The following GLS variants were observed in gnomAD, a reference collection of about 807,000 sequenced individuals.
GLS encodes glutaminase, also known as glutaminase kidney isoform, mitochondrial.
In GLS, 36 loss-of-function variants were observed where a neutral mutation model predicts 86.7. The observed-to-expected ratio is 0.42, with a 90% CI of 0.32 to 0.55. The LOEUF is 0.55. Among genes scored for constraint, GLS ranks in the 20% least tolerant of loss-of-function variants. The pLI, the probability that GLS is intolerant of heterozygous loss-of-function variation, is 0.17. For synonymous variants in GLS, 317 were observed against 305.9 expected, an observed-to-expected ratio of 1.04 and a Z score of -0.38; for missense variants, 528 against 833.4, an observed-to-expected ratio of 0.63 and a Z score of 4.51.
In GLS at chr2:190,960,381, T is replaced by TTG. The variant is rs1393145448; in HGVS notation, c.1854-2449_1854-2448insTG. On this transcript the variant is annotated intron_variant, in intron 17 of 17. Coordinates refer to ENST00000320717, the MANE Select transcript of GLS (RefSeq NM_014905.5). ...TCAATTTTTTTTTTTTTTTTTTTTT[T>TTG]GAGACTGGGTCTTGCCTTGCCACTC... 8.2e-5 allele frequency among the ~76,000 whole-genome samples: 12 copies of TTG among 146,148 alleles called. No homozygotes were observed. The East Asian group carries it at 2.4e-3, about 29-fold the overall frequency.
Position 190,895,071 on chromosome 2 carries a change from GTTAT to G in GLS, c.387-77_387-74del, listed in dbSNP as rs1688683798. ...AGCTCAGCTGTAGTCTAGTTTAGTG[GTTAT>G]TTAACAATGGATTTAGTTAAAAATC... On this transcript the variant is annotated intron_variant, in intron 1 of 17. Transcript: ENST00000320717. The surrounding 1 kb of genome is among the most constrained non-coding windows in gnomAD (Gnocchi z 4.2). The G allele has an allele frequency of 3.0e-6, 2 of 675,564 alleles. No homozygotes were observed. The highest frequency in any genetic ancestry group is 2.2e-5 in the Admixed American group (1 of 46,476). 41.8% of individuals were successfully genotyped at this position (675,564 alleles called of 1,614,324 possible). A position where few individuals can be genotyped will look rare whatever the true frequency, so the allele number is the denominator to read the frequency against.
rs527545122 is a variant in GLS at position 190,887,428 on chromosome 2, T to A, written c.386+5958T>A. Among the ~76,000 whole-genome samples the A allele has an allele frequency of 3.9e-4, 59 of 152,250 alleles. 1 individual carries two copies. In the South Asian group the frequency reaches 0.012, roughly 30 times the overall value. ...TGTTAAATTCATTATAAAGAAATGT[T>A]TATAGTAAAAGCATTACTTTCGAAA... is the stretch of plus-strand genomic sequence containing the variant. On this transcript the variant is annotated intron_variant, in intron 1 of 17. Transcript: ENST00000320717.
chr2:190,953,427 G>T lies in GLS; in HGVS notation c.1651-138G>T. ...ACACACGTGGGTTCTTTTGGCTATG[G>T]AAGTGTCCTTGAGATCACTTTTTGC... On this transcript the variant is annotated intron_variant, in intron 14 of 17. Coordinates refer to ENST00000320717, the MANE Select transcript of GLS (RefSeq NM_014905.5). This position sits in a 1 kb window ranked among gnomAD's most constrained non-coding sequence, Gnocchi z 4.0. 1 of 630,308 alleles carries T rather than the reference G, an allele frequency of 1.6e-6. No homozygotes were observed. Among genetic ancestry groups the T allele is most frequent in the Admixed American group, 2.2e-5 (1 of 45,546 alleles). 39.0% of individuals were successfully genotyped at this position (630,308 alleles called of 1,614,324 possible).
At chr2:190,940,079 T>G (rs1690381523) in intron 14 of GLS, among the ~76,000 whole-genome samples, 1 of 151,916 alleles carries the variant, frequency 6.6e-6, no homozygotes, top group African/African-American at 2.4e-5. Context: ...TTAATTTTCT[T>G]TAAAAAGTTC....
At chr2:190,893,865 G>A (rs929046887) in intron 1 of GLS, among the ~76,000 whole-genome samples, 10 of 152,298 alleles carry the variant, frequency 6.6e-5, no homozygotes, top group East Asian at 1.9e-4. Context: ...GATTATAGGC[G>A]TGAGCTGCCA....
chr2:190,927,133 G>C, intron 11 of GLS, 173 bp from the exon 12 acceptor site: 1 of 548,684 alleles, frequency 1.8e-6, no homozygotes, highest in Non-Finnish European at 3.1e-6. Context: ...TCTTAAAAGT[G>C]GGTAGGACTT....
In GLS at chr2:190,938,745, T is replaced by C. The variant is rs1222103715; in HGVS notation, c.1650+7108T>C. On this transcript the variant is annotated intron_variant, in intron 14 of 17. Transcript: ENST00000320717. The surrounding 1 kb of genome is among the most constrained non-coding windows in gnomAD (Gnocchi z 4.1). ...TTAATGAGAGAAGCATAATTGGCAG[T>C]AGTTAATGTGACTATAAGTTATTTG... Among the ~76,000 whole-genome samples the C allele has an allele frequency of 1.3e-5, 2 of 151,740 alleles. No individual in the cohort carries two copies. Among genetic ancestry groups the C allele is most frequent in the African/African-American group, 4.8e-5 (2 of 41,432 alleles).
chr2:190,948,126 T>G (rs1690625813), intron 14 of GLS, among the ~76,000 whole-genome samples: 1 of 152,224 alleles, frequency 6.6e-6, no homozygotes, highest in African/African-American at 2.4e-5. Flanking sequence ...GGCTGCCTCC[T>G]AGTGCTTTTC....
At chr2:190,916,394 G>A (rs1378700869) in intron 7 of GLS, among the ~76,000 whole-genome samples, 1 of 151,906 alleles carries the variant, frequency 6.6e-6, no homozygotes, top group Non-Finnish European at 1.5e-5. Context: ...ATCATTTTTA[G>A]TTTTGATTTT....
intron 14 of GLS, among the ~76,000 whole-genome samples, chr2:190,950,295 G>A (rs1690685217): frequency 6.6e-6 from 1 of 152,164 alleles, no homozygotes; most frequent in African/African-American, 2.4e-5. Context: ...ATGGTAAAGA[G>A]TTTGATTTTC....
intron 14 of GLS, chr2:190,933,903 A>G: frequency 1.1e-6 from 1 of 915,694 alleles, no homozygotes; most frequent in African/African-American, 1.8e-5. Flanking sequence ...AATACGTTAG[A>G]TCTAAATCCT....
At chr2:190,918,334 A>T (rs1689611447) in intron 7 of GLS, among the ~76,000 whole-genome samples, 1 of 152,136 alleles carries the variant, frequency 6.6e-6, no homozygotes, top group Non-Finnish European at 1.5e-5. Context: ...TTCACCTTGT[A>T]CTTTTATGTT....
intron 14 of GLS, among the ~76,000 whole-genome samples, chr2:190,932,479 C>T (rs973679861): frequency 6.6e-6 from 1 of 151,764 alleles, no homozygotes; most frequent in African/African-American, 2.4e-5. Context: ...TAGTGCTAAA[C>T]TAAATTTTTG....
At chr2:190,892,618 G>C (rs367694407) in intron 1 of GLS, among the ~76,000 whole-genome samples, 14 of 152,256 alleles carry the variant, frequency 9.2e-5, no homozygotes, top group Admixed American at 2.6e-4. Context: ...GAGAGAAAAG[G>C]GGGGTTAAGG....
Position 190,921,013 on chromosome 2 carries a change from T to A in GLS, c.1039-11T>A. Reference sequence around the variant, plus strand: ...TATATTAACGTATTTATGTCTCTTATTTTTTTGCAGCAAGGAGTAAATAAT... The same window carrying A: ...TATATTAACGTATTTATGTCTCTTAATTTTTTGCAGCAAGGAGTAAATAAT... On this transcript the variant is annotated splice_polypyrimidine_tract_variant and intron_variant, in intron 7 of 17. Transcript: ENST00000320717. The surrounding 1 kb of genome is among the most constrained non-coding windows in gnomAD (Gnocchi z 4.2). 1 of 1,470,678 alleles carries A rather than the reference T, an allele frequency of 6.8e-7. No individual in the cohort carries two copies. The highest frequency in any genetic ancestry group is 9.5e-7 in the Non-Finnish European group (1 of 1,052,386). 91.1% of individuals were successfully genotyped at this position (1,470,678 alleles called of 1,614,324 possible).
intron 11 of GLS, chr2:190,927,005 T>G: frequency 4.6e-6 from 1 of 218,686 alleles, no homozygotes; most frequent in South Asian, 1.2e-4. Flanking sequence ...AGTATTAATA[T>G]TTAAGCAAAT....
intron 5 of GLS, among the ~76,000 whole-genome samples, chr2:190,902,969 C>G (rs1275071207): frequency 1.3e-5 from 2 of 152,136 alleles, no homozygotes; most frequent in Admixed American, 1.3e-4. Context: ...TTCGTTAAAA[C>G]TACTAAAAGC....
At chr2:190,960,249 G>T (rs1366051821) in intron 17 of GLS, among the ~76,000 whole-genome samples, 1 of 151,962 alleles carries the variant, frequency 6.6e-6, no homozygotes, top group East Asian at 1.9e-4. Context: ...CTTGATGGTG[G>T]TTTGATATGT....
Position 190,895,591 on chromosome 2 carries a change from T to C in GLS, c.484-13T>C. ...CACTATATATTTACAAACTCTTATT[T>C]TTTTAAAAACAGGCACTCAAATCTA... On this transcript the variant is annotated splice_polypyrimidine_tract_variant and intron_variant, in intron 2 of 17. Transcript: ENST00000320717. This position sits in a 1 kb window ranked among gnomAD's most constrained non-coding sequence, Gnocchi z 4.2. 1 of 1,576,738 alleles carries C rather than the reference T, an allele frequency of 6.3e-7. No homozygotes were observed. The highest frequency in any genetic ancestry group is 8.7e-7 in the Non-Finnish European group (1 of 1,152,734).
Sources: allele counts gnomAD v4.1 joint callset (sites outside exome capture counted in the v4.1 genomes callset), GRCh38; gene constraint gnomAD v4.1.1; non-coding constraint Gnocchi (gnomAD v3.1); transcripts MANE v1.5; gene names NCBI Gene and HGNC (gene_info 2026-07-23, HGNC 2026-07-21).